NPAS3: variants seen among roughly 807,000 people sequenced by gnomAD.
The protein encoded by NPAS3 is neuronal PAS domain-containing protein 3.
NPAS3 carries 14 observed loss-of-function variants against 73.1 expected under a neutral mutation model. The ratio of observed to expected loss-of-function variants is 0.19; its 90% CI spans 0.13 to 0.30. The LOEUF is 0.30. Ranked by LOEUF, NPAS3 falls within the 10% of genes least tolerant of loss-of-function variation. NPAS3 has a pLI of 1.00. For synonymous variants in NPAS3, 620 were observed against 541.5 expected (o/e 1.14, Z -2.01); for missense variants, 1,096 against 1,250.0 (o/e 0.88, Z 1.86).
rs1348025980 is a variant in NPAS3 at position 33,535,677 on chromosome 14, A to G, written c.469-24444A>G. Among the ~76,000 whole-genome samples the G allele has an allele frequency of 2.6e-5, 4 of 152,112 alleles. No individual in the cohort carries two copies. The South Asian group carries it at 8.3e-4, about 32-fold the overall frequency. On this transcript the variant is annotated intron_variant, in intron 4 of 11. Transcript: ENST00000356141. ...TTATGGATGATTTTTTTATATTTCT[A>G]TTTTTGCTTATTTGTATTTTCTGAA... is the stretch of plus-strand genomic sequence containing the variant.
chr14:33,168,012 T>G (rs2045231242), intron 2 of NPAS3, among the ~76,000 whole-genome samples: 1 of 152,172 alleles, frequency 6.6e-6, no homozygotes, highest in South Asian at 2.1e-4. Context: ...TGGACAGCCT[T>G]CCCTAGTTTT....
rs372829842 is a variant in NPAS3 at position 33,236,805 on chromosome 14, T to C, written c.385+21379T>C. On this transcript the variant is annotated intron_variant, in intron 3 of 11. Coordinates refer to ENST00000356141, the Ensembl canonical transcript of NPAS3. ...GTGGAAAAATTCATATATTCAAAGATATATTCAAACAGTGCTCTCAGTTTG... is the reference window on the plus strand; with the variant it reads ...GTGGAAAAATTCATATATTCAAAGACATATTCAAACAGTGCTCTCAGTTTG... 2.6e-5 allele frequency among the ~76,000 whole-genome samples: 4 copies of C among 152,230 alleles called. No individual in the cohort carries two copies. In the South Asian group the frequency reaches 8.3e-4, roughly 32 times the overall value.
chr14:33,369,925 C>T (rs1437172892), intron 4 of NPAS3, among the ~76,000 whole-genome samples: 1 of 152,160 alleles, frequency 6.6e-6, no homozygotes, highest in East Asian at 1.9e-4. Context: ...CGTTTTGTTT[C>T]AGAAGGGTCC....
rs1014058478 is a variant in NPAS3, at chr14:33,654,715, T to C, written c.559-21496T>C. On this transcript the variant is annotated intron_variant, in intron 5 of 11. Coordinates refer to ENST00000356141, the Ensembl canonical transcript of NPAS3. ...CCAACTGTTGGTGCATAAATATTTATATCCCAAGTGATTTCTATGGGGCTT... is the reference window on the plus strand; with the variant it reads ...CCAACTGTTGGTGCATAAATATTTACATCCCAAGTGATTTCTATGGGGCTT... Among the ~76,000 whole-genome samples the C allele has an allele frequency of 1.9e-4, 29 of 152,336 alleles. 1 individual carries two copies. Among genetic ancestry groups the C allele is most frequent in the African/African-American group, 5.5e-4 (23 of 41,584 alleles).
At chr14:33,657,633 G>A (rs1033068677) in intron 5 of NPAS3, among the ~76,000 whole-genome samples, 9 of 152,214 alleles carry the variant, frequency 5.9e-5, no homozygotes, top group Non-Finnish European at 1.3e-4. Flanking sequence ...GGAAGCGGGA[G>A]TCAGGCTCTC....
intron 1 of NPAS3, among the ~76,000 whole-genome samples, chr14:33,049,674 T>C (rs1317980204): frequency 1.3e-5 from 2 of 152,168 alleles, no homozygotes; most frequent in Non-Finnish European, 2.9e-5. Context: ...GAGATTTGGG[T>C]GGGGACACAG....
intron 2 of NPAS3, among the ~76,000 whole-genome samples, chr14:33,166,418 C>T (rs144945109): frequency 6.6e-6 from 1 of 152,170 alleles, no homozygotes; most frequent in African/African-American, 2.4e-5. Flanking sequence ...CAGTTACAGC[C>T]TGCATTCCAC....
intron 3 of NPAS3, among the ~76,000 whole-genome samples, chr14:33,308,169 CTTAT>C (rs1427324238): frequency 8.5e-5 from 13 of 152,092 alleles, no homozygotes; most frequent in African/African-American, 1.4e-4. Context: ...AGAAAGAGGG[CTTAT>C]TTGTTTGCTG....
intron 3 of NPAS3, among the ~76,000 whole-genome samples, chr14:33,332,363 T>C (rs1213738282): frequency 2.0e-5 from 3 of 152,202 alleles, no homozygotes; most frequent in Non-Finnish European, 4.4e-5. Context: ...TACCAGGATT[T>C]ATGAAGACTA....
At chr14:33,163,788 G>A (rs910856394) in intron 2 of NPAS3, among the ~76,000 whole-genome samples, 1 of 152,122 alleles carries the variant, frequency 6.6e-6, no homozygotes, top group Admixed American at 6.5e-5. Context: ...ACGCCATTAA[G>A]AGATTTTATT....
intron 1 of NPAS3, among the ~76,000 whole-genome samples, chr14:33,048,142 C>A (rs991531713): frequency 2.6e-5 from 4 of 152,108 alleles, no homozygotes; most frequent in Non-Finnish European, 5.9e-5. Flanking sequence ...CTTAAATGCT[C>A]TAAGTCTTAG....
chr14:32,939,410 CCCGCCGCCGCCGCCT>C (rs767273670), intron 1 of NPAS3, 44 bp downstream of exon 1: 1 of 592,256 alleles, frequency 1.7e-6, no homozygotes, highest in South Asian at 1.8e-5. Flanking sequence ...GGCCGCTGCT[CCCGCCGCCGCCGCCT>C]CCGCCGCCGA....
intron 2 of NPAS3, among the ~76,000 whole-genome samples, chr14:33,141,236 G>A (rs1244899639): frequency 6.6e-6 from 1 of 152,278 alleles, no homozygotes; most frequent in African/African-American, 2.4e-5. Flanking sequence ...TGATGTTTTC[G>A]GCTAATGTAG....
chr14:33,077,778 T>G (rs1030879106), intron 2 of NPAS3, among the ~76,000 whole-genome samples: 2 of 147,320 alleles, frequency 1.4e-5, no homozygotes, highest in African/African-American at 2.5e-5. Context: ...GTAAGGGTTT[T>G]TTTTTTTTTT....
intron 2 of NPAS3, among the ~76,000 whole-genome samples, chr14:33,103,529 G>C (rs1486985188): frequency 1.3e-5 from 2 of 152,188 alleles, no homozygotes; most frequent in Non-Finnish European, 2.9e-5. Flanking sequence ...CGATGATCCA[G>C]TTGTAGAAAA....
intron 1 of NPAS3, among the ~76,000 whole-genome samples, chr14:32,992,225 C>T (rs1313116117): frequency 6.6e-6 from 1 of 152,046 alleles, no homozygotes; most frequent in Non-Finnish European, 1.5e-5. Context: ...ACATTTGTGT[C>T]TGTTGCTCTC....
chr14:33,238,127 A>G (rs1227903939), intron 3 of NPAS3, among the ~76,000 whole-genome samples: 1 of 151,996 alleles, frequency 6.6e-6, no homozygotes, highest in East Asian at 1.9e-4. Context: ...ACCTTTGTTC[A>G]TGCTCAGTTT....
At chr14:33,000,162 G>GTTTTAT (rs77320106) in intron 1 of NPAS3, among the ~76,000 whole-genome samples, 19,326 of 151,328 alleles carry the variant, frequency 0.13, 2,538 homozygotes, top group African/African-American at 0.33. Context: ...TAAATAAAAT[G>GTTTTAT]TTTTATTTTT....
At chr14:33,139,943 A>ATTTTT (rs34900907) in intron 2 of NPAS3, among the ~76,000 whole-genome samples, 1 of 150,096 alleles carries the variant, frequency 6.7e-6, no homozygotes, top group African/African-American at 2.5e-5. Flanking sequence ...TGCCTGCATG[A>ATTTTT]TTTTTTTTTT....
Sources: allele counts gnomAD v4.1 joint callset (sites outside exome capture counted in the v4.1 genomes callset), GRCh38; gene constraint gnomAD v4.1.1; transcripts MANE v1.5; gene names NCBI Gene and HGNC (gene_info 2026-07-23, HGNC 2026-07-21).